Variants in TNR observed in about 807,000 individuals in gnomAD.
The protein encoded by TNR is tenascin-R.
In TNR, 45 loss-of-function variants were observed where a neutral mutation model predicts 150.4. The observed-to-expected ratio is 0.30, with a 90% CI of 0.24 to 0.38. The LOEUF (loss-of-function observed/expected upper bound fraction) is 0.38, where lower values mean the gene tolerates loss of function less well. Ranked by LOEUF, TNR falls within the 10% of genes least tolerant of loss-of-function variation. TNR has a pLI of 1.00. For synonymous variants in TNR, 687 were observed against 678.4 expected (o/e 1.01, Z -0.20); for missense variants, 1,544 against 1,759.1 (o/e 0.88, Z 2.19).
At chr1:175,741,402 TGGTTTTGGACAG>T (rs1667929243) in intron 1 of TNR, among the ~76,000 whole-genome samples, 2 of 152,162 alleles carry the variant, frequency 1.3e-5, no homozygotes, top group Admixed American at 1.3e-4. Context: ...TAATAAACTG[TGGTTTTGGACAG>T]GGTCCACTGC....
chr1:175,543,218 A>AG (rs1295168002), intron 1 of TNR, among the ~76,000 whole-genome samples: 1 of 152,182 alleles, frequency 6.6e-6, no homozygotes, highest in Non-Finnish European at 1.5e-5. Context: ...GAGAACTCCC[A>AG]GGGGGGAGCA....
rs771860469 is a variant in TNR at position 175,675,528 on chromosome 1, A to G, written c.-165+67698T>C. On this transcript the variant is annotated intron_variant, in intron 1 of 22. Transcript: ENST00000367674. ...TGCTGTACACTTCAAGCATGCAGGTATCATGGTGGTTCCACACAGCAGAAA... is the reference window on the plus strand; with the variant it reads ...TGCTGTACACTTCAAGCATGCAGGTGTCATGGTGGTTCCACACAGCAGAAA... 8.5e-5 allele frequency among the ~76,000 whole-genome samples: 13 copies of G among 152,266 alleles called. 1 individual carries two copies. Among genetic ancestry groups the G allele is most frequent in the Non-Finnish European group, 1.6e-4 (11 of 68,048 alleles).
At chr1:175,566,178 A>G (rs1182666965) in intron 1 of TNR, among the ~76,000 whole-genome samples, 3 of 152,254 alleles carry the variant, frequency 2.0e-5, no homozygotes, top group Admixed American at 2.0e-4. Context: ...ATGGACTCTT[A>G]GTACATCAAA....
chr1:175,538,323 T>G (rs918960165), intron 1 of TNR, among the ~76,000 whole-genome samples: 17 of 152,142 alleles, frequency 1.1e-4, no homozygotes, highest in Non-Finnish European at 2.2e-4. Context: ...TAGCAGAACC[T>G]GTGTTCAGGT....
rs527773473 is a variant in TNR at position 175,394,288 on chromosome 1, T to C, written c.1241-393A>G. On this transcript the variant is annotated intron_variant, in intron 5 of 22. Coordinates refer to ENST00000367674, the MANE Select transcript of TNR (RefSeq NM_003285.3). ...AGTATCTTTAGAAGCTTTACAGGAC[T>C]CCCGGGAGGTACTATGATGGCTTCT... is the stretch of plus-strand genomic sequence containing the variant. Among the ~76,000 whole-genome samples the C allele has an allele frequency of 2.2e-4, 33 of 152,270 alleles. No homozygotes were observed. In the East Asian group the frequency reaches 4.6e-3, roughly 21 times the overall value.
At chr1:175,570,024 C>A (rs1661800405) in intron 1 of TNR, among the ~76,000 whole-genome samples, 1 of 152,196 alleles carries the variant, frequency 6.6e-6, no homozygotes, top group South Asian at 2.1e-4. Context: ...ACCCACTCCT[C>A]CTTCACATAC....
rs377107946 is a variant in TNR at position 175,324,531 on chromosome 1, A to T, written c.3794-12T>A. The T allele has an allele frequency of 3.1e-6, 5 of 1,612,934 alleles. No homozygotes were observed. In the South Asian group the frequency reaches 5.5e-5, roughly 18 times the overall value. ...GCTGAGGGAGTCCCCTGCAAAAAAG[A>T]TACATTCATTAGGCTGTCCCATTTG... On this transcript the variant is annotated splice_polypyrimidine_tract_variant and intron_variant, in intron 21 of 22. Transcript: ENST00000367674.
intron 2 of TNR, among the ~76,000 whole-genome samples, chr1:175,506,389 G>A (rs751485685): frequency 1.3e-5 from 2 of 152,144 alleles, no homozygotes; most frequent in Admixed American, 6.5e-5. Context: ...AAACTAAATC[G>A]TGTCCCCCCA....
chr1:175,503,254 G>A (rs955311740), intron 2 of TNR, among the ~76,000 whole-genome samples: 2 of 152,236 alleles, frequency 1.3e-5, no homozygotes, highest in African/African-American at 4.8e-5. Flanking sequence ...GGGCCCTGAG[G>A]ATGGATCCCA....
At chr1:175,338,793 C>T (rs1161219849) in intron 18 of TNR, among the ~76,000 whole-genome samples, 1 of 152,134 alleles carries the variant, frequency 6.6e-6, no homozygotes, top group Non-Finnish European at 1.5e-5. Context: ...ACTGAAAACC[C>T]TGAGCACCTA....
chr1:175,350,241 CT>C (rs1240040623), intron 18 of TNR, among the ~76,000 whole-genome samples: 1 of 152,164 alleles, frequency 6.6e-6, no homozygotes, highest in African/African-American at 2.4e-5. Context: ...TAAAAGAAAA[CT>C]TCTTATTATC....
chr1:175,444,927 G>A (rs1052721797), intron 2 of TNR, among the ~76,000 whole-genome samples: 5 of 152,334 alleles, frequency 3.3e-5, no homozygotes, highest in East Asian at 1.9e-4. Context: ...CGAATCTGAC[G>A]CTTTGGAAGA....
At chr1:175,389,236 C>G (rs1653065292) in intron 7 of TNR, among the ~76,000 whole-genome samples, 1 of 152,224 alleles carries the variant, frequency 6.6e-6, no homozygotes, top group South Asian at 2.1e-4. Flanking sequence ...TTCTGACCAT[C>G]TGCAGTCCTC....
intron 10 of TNR, among the ~76,000 whole-genome samples, chr1:175,366,944 C>T (rs958417724): frequency 3.3e-5 from 5 of 152,194 alleles, no homozygotes; most frequent in Admixed American, 1.3e-4. Context: ...GATTTTCCAC[C>T]TCTGCTCTGT....
chr1:175,678,356 A>G (rs1665928798), intron 1 of TNR, among the ~76,000 whole-genome samples: 1 of 152,178 alleles, frequency 6.6e-6, no homozygotes, highest in Admixed American at 6.5e-5. Context: ...CTGAATTCAC[A>G]TCTCCAGAGG....
chr1:175,584,313 G>T (rs748156265), intron 1 of TNR, among the ~76,000 whole-genome samples: 1 of 152,168 alleles, frequency 6.6e-6, no homozygotes, highest in Non-Finnish European at 1.5e-5. Context: ...CATGACTGGA[G>T]TGATACCTCT....
chr1:175,474,899 G>C (rs1221802455), intron 2 of TNR, among the ~76,000 whole-genome samples: 1 of 152,234 alleles, frequency 6.6e-6, no homozygotes, highest in African/African-American at 2.4e-5. Context: ...ACACATACCA[G>C]CTAGGTGACC....
intron 1 of TNR, among the ~76,000 whole-genome samples, chr1:175,555,008 C>T (rs1661094842): frequency 6.6e-6 from 1 of 152,154 alleles, no homozygotes; most frequent in Non-Finnish European, 1.5e-5. Flanking sequence ...CCTTTATCCT[C>T]CATGTGATGA....
intron 1 of TNR, among the ~76,000 whole-genome samples, chr1:175,653,913 G>A (rs563589925): frequency 6.6e-6 from 1 of 152,060 alleles, no homozygotes; most frequent in Admixed American, 6.6e-5. Flanking sequence ...CCAAGCACTG[G>A]GAATATATAC....
Sources: gnomAD v4.1 joint callset for allele counts (sites outside exome capture counted in the v4.1 genomes callset) on GRCh38, gnomAD v4.1.1 for gene constraint, MANE v1.5 for transcripts, NCBI Gene and HGNC (gene_info 2026-07-23, HGNC 2026-07-21) for gene names.